Variants in AGTPBP1 observed in about 807,000 individuals in gnomAD.
The protein encoded by AGTPBP1 is cytosolic carboxypeptidase 1.
Under a neutral mutation model 143.9 loss-of-function variants are expected in AGTPBP1, and 70 were observed. The observed-to-expected ratio is 0.49, with a 90% confidence interval of 0.40 to 0.59. The LOEUF (loss-of-function observed/expected upper bound fraction) is 0.59. AGTPBP1 is among the 20% of genes least tolerant of loss of function. The probability of loss-of-function intolerance (pLI) is 0.00; values close to 1 mark genes in which losing one functional copy is unlikely to be tolerated. For synonymous variants in AGTPBP1, 463 were observed against 500.2 expected (o/e 0.93, Z 0.99); for missense variants, 1,229 against 1,464.5 (o/e 0.84, Z 2.62).
intron 2 of AGTPBP1, among the ~76,000 whole-genome samples, chr9:85,693,705 G>C (rs541230838): frequency 1.3e-5 from 2 of 150,756 alleles, no homozygotes; most frequent in Non-Finnish European, 3.0e-5. Flanking sequence ...ACATTCTTAT[G>C]GTGAGAAACA....
At chr9:85,633,518 A>G (rs1397644943) in intron 13 of AGTPBP1, 144 bp from the exon 14 acceptor site, 2 of 583,122 alleles carry the variant, frequency 3.4e-6, no homozygotes, top group Non-Finnish European at 5.4e-6. Flanking sequence ...TCATTTCACT[A>G]AAAAGACAAA....
chr9:85,700,967 G>T (rs975201378), intron 2 of AGTPBP1, among the ~76,000 whole-genome samples: 2 of 151,978 alleles, frequency 1.3e-5, no homozygotes, highest in East Asian at 3.9e-4. Context: ...GCCCAGGCTG[G>T]AGTGCAGTGG....
rs562920839 is a variant in AGTPBP1, at chr9:85,586,645, CAATATTCATAACG to C, written c.3033+173_3033+185del. Among the ~76,000 whole-genome samples, 17 of 152,170 alleles carry C rather than the reference CAATATTCATAACG, an allele frequency of 1.1e-4. No homozygotes were observed. The South Asian group carries it at 3.5e-3, about 32-fold the overall frequency. ...TCTAAAAGTTACAACCAAGAGTTAT[CAATATTCATAACG>C]AAAAAGGAAAAAATAGAAGGCTTAT... On this transcript the variant is annotated intron_variant, in intron 22 of 25. Transcript: ENST00000357081.
chr9:85,733,325 A>G (rs1189876042), intron 1 of AGTPBP1, among the ~76,000 whole-genome samples: 7 of 152,212 alleles, frequency 4.6e-5, no homozygotes, highest in Non-Finnish European at 5.9e-5. Context: ...AATCTGAGAA[A>G]GAAAACTGGA....
intron 17 of AGTPBP1, among the ~76,000 whole-genome samples, chr9:85,614,455 G>C (rs547454665): frequency 6.6e-6 from 1 of 151,858 alleles, no homozygotes; most frequent in Non-Finnish European, 1.5e-5. Context: ...AAAAAACATA[G>C]GTGAAGGCAT....
chr9:85,629,440 A>T (rs1052352936), intron 14 of AGTPBP1, among the ~76,000 whole-genome samples: 1 of 152,202 alleles, frequency 6.6e-6, no homozygotes, highest in Non-Finnish European at 1.5e-5. Context: ...TTCCTCCATC[A>T]TCAGGATAGG....
At chr9:85,765,085 A>T in the AGTPBP1 span, 1 of 530,374 alleles carries the variant, frequency 1.9e-6, no homozygotes, top group South Asian at 2.1e-5. Flanking sequence ...TGGCACCATA[A>T]ACCACGCTTG....
intron 6 of AGTPBP1, 81 bp from the exon 7 acceptor site, chr9:85,672,762 T>C (rs1215848662): frequency 6.4e-6 from 7 of 1,087,004 alleles, no homozygotes; most frequent in Non-Finnish European, 8.7e-6. Flanking sequence ...TGAGACAGAG[T>C]CTTGCTCTGT....
rs369334661 is a variant in AGTPBP1 at position 85,661,773 on chromosome 9, C to G, written c.663-800G>C. ...TTAATCAGATACTGAAGAAATGGCA[C>G]TTAATTTCAATAATTTTTAAAATGT... On this transcript the variant is annotated intron_variant, in intron 8 of 25. Transcript: ENST00000357081. 3.2e-4 allele frequency among the ~76,000 whole-genome samples: 48 copies of G among 152,230 alleles called. 1 individual carries two copies. The South Asian group carries it at 9.7e-3, about 31-fold the overall frequency.
chr9:85,631,180 C>T (rs1448281750), intron 14 of AGTPBP1, among the ~76,000 whole-genome samples: 3 of 152,224 alleles, frequency 2.0e-5, no homozygotes, highest in Admixed American at 6.5e-5. Flanking sequence ...ACTGCACCCA[C>T]TTTGGGAATG....
rs139538246 is a variant in AGTPBP1 at position 85,676,824 on chromosome 9, G to A, written c.436+612C>T. ...GTGAATGAATATATAAAGAAAATGCGGTTTATTTACACAATAGAATACTAT... is the reference window on the plus strand; with the variant it reads ...GTGAATGAATATATAAAGAAAATGCAGTTTATTTACACAATAGAATACTAT... On this transcript the variant is annotated intron_variant, in intron 6 of 25. Coordinates refer to ENST00000357081, the MANE Select transcript of AGTPBP1 (RefSeq NM_001330701.2). Among the ~76,000 whole-genome samples the A allele has an allele frequency of 2.1e-3, 313 of 152,108 alleles. 3 individuals carry two copies. The highest frequency in any genetic ancestry group is 7.0e-3 in the African/African-American group (291 of 41,478).
chr9:85,630,850 A>G (rs1831629810), intron 14 of AGTPBP1, among the ~76,000 whole-genome samples: 1 of 152,142 alleles, frequency 6.6e-6, no homozygotes, highest in Non-Finnish European at 1.5e-5. Context: ...TATCTGATTA[A>G]GCAATCCAAA....
At chr9:85,686,850 A>T (rs1835515882) in intron 3 of AGTPBP1, among the ~76,000 whole-genome samples, 3 of 152,320 alleles carry the variant, frequency 2.0e-5, no homozygotes, top group Non-Finnish European at 4.4e-5. Flanking sequence ...GAATGAGAAG[A>T]ATGTAAAAGA....
chr9:85,751,033 G>T, the AGTPBP1 span, among the ~76,000 whole-genome samples: 2 of 152,160 alleles, frequency 1.3e-5, no homozygotes, highest in Non-Finnish European at 2.9e-5. Context: ...TTTCAGCAAG[G>T]CTGGGCAATT....
intron 7 of AGTPBP1, among the ~76,000 whole-genome samples, chr9:85,671,933 G>A (rs1415120797): frequency 6.6e-6 from 1 of 152,134 alleles, no homozygotes; most frequent in Non-Finnish European, 1.5e-5. Flanking sequence ...AGTCTAAAGA[G>A]GCACAGGAGT....
At chr9:85,781,757 C>A in the AGTPBP1 span, among the ~76,000 whole-genome samples, 5 of 152,018 alleles carry the variant, frequency 3.3e-5, no homozygotes, top group South Asian at 4.1e-4. Flanking sequence ...TAAATCAGGT[C>A]TTTTTATATA....
chr9:85,565,564 A>G (rs1239250918), intron 25 of AGTPBP1, among the ~76,000 whole-genome samples: 1 of 152,200 alleles, frequency 6.6e-6, no homozygotes, highest in Non-Finnish European at 1.5e-5. Context: ...AATAAAGAGA[A>G]AAGGACAGGG....
intron 17 of AGTPBP1, among the ~76,000 whole-genome samples, chr9:85,596,790 C>T (rs1009717659): frequency 6.6e-6 from 1 of 151,844 alleles, no homozygotes; most frequent in Non-Finnish European, 1.5e-5. Context: ...TGTACAATCA[C>T]CCCTCTAACT....
the AGTPBP1 span, among the ~76,000 whole-genome samples, chr9:85,803,632 TTC>T: frequency 6.6e-6 from 1 of 152,224 alleles, no homozygotes; most frequent in Non-Finnish European, 1.5e-5. Context: ...TTTTCCAAGA[TTC>T]TGACTTTGTT....
Sources: gnomAD v4.1 joint callset for allele counts (sites outside exome capture counted in the v4.1 genomes callset) on GRCh38, gnomAD v4.1.1 for gene constraint, MANE v1.5 for transcripts, NCBI Gene and HGNC (gene_info 2026-07-23, HGNC 2026-07-21) for gene names.